SLC22A25: variants seen among roughly 807,000 people sequenced by gnomAD.
SLC22A25 encodes MGI:2442751, MGI:2385316, MGI:3042283, MGI:3645714, MGI:3605624, MGI:2442750.
SLC22A25 carries 44 observed loss-of-function variants against 45.9 expected under a neutral mutation model. The observed-to-expected ratio is 0.96, with a 90% confidence interval of 0.75 to 1.23. The LOEUF (loss-of-function observed/expected upper bound fraction) is 1.23, where lower values mean the gene tolerates loss of function less well. SLC22A25 is among the 50% of genes most tolerant of loss of function. The probability of loss-of-function intolerance (pLI) is 0.00; values close to 1 mark genes in which losing one functional copy is unlikely to be tolerated. For missense variants in SLC22A25, 800 were observed against 666.4 expected (o/e 1.20, Z -2.21); for synonymous variants, 283 against 238.6 (o/e 1.19, Z -1.72).
rs1263546317 is a variant in SLC22A25, at chr11:63,229,477, A to T, written c.176T>A (p.Ile59Asn). 3 of 1,614,142 alleles carry T rather than the reference A, an allele frequency of 1.9e-6. No homozygotes were observed. The highest frequency in any genetic ancestry group is 2.5e-6 in the Non-Finnish European group (3 of 1,179,996). ...GAGGGTCCCAGGGTCATTGTCAGGG[A>T]TAGTGTCATTGTCCAGTATATGAAC... ...CWVHILDNDT[I>N]PDNDPGTLSQ... The change falls in exon 4 of 12, where the codon ATC becomes AAC. Residue 59 changes from isoleucine to asparagine, a missense_variant. Ile to Asn is a moderately radical substitution (Grantham distance 149). Coordinates refer to ENST00000306494, the MANE Select transcript of SLC22A25 (RefSeq NM_199352.6).
In SLC22A25 at chr11:63,163,417, A is replaced by C. The variant is rs1040976738; in HGVS notation, c.*407T>G. ...TGGGAGGGGCTCTTATTTTCTATAC[A>C]GTCTCTCACAAATTCTTCAGTGTCC... On this transcript the variant is annotated 3_prime_UTR_variant, in exon 12 of 12. Coordinates refer to ENST00000306494, the MANE Select transcript of SLC22A25 (RefSeq NM_199352.6). 6.6e-6 allele frequency among the ~76,000 whole-genome samples: 1 copy of C among 152,180 alleles called. No individual in the cohort carries two copies. Among genetic ancestry groups the C allele is most frequent in the Non-Finnish European group, 1.5e-5 (1 of 68,034 alleles).
At chr11:63,220,848 G>C (rs2089837131) in intron 5 of SLC22A25, among the ~76,000 whole-genome samples, 1 of 151,982 alleles carries the variant, frequency 6.6e-6, no homozygotes, top group Admixed American at 6.6e-5. Context: ...TTAGTTTTTA[G>C]ATCTACAGAT....
At position 63,217,654 on chromosome 11, in the gene SLC22A25, G is replaced by A. The variant is rs2089750974; in HGVS notation, c.588C>T (p.Ile196=). 6.2e-7 allele frequency: 1 copy of A among 1,613,896 alleles called. No homozygotes were observed. Among genetic ancestry groups the A allele is most frequent in the African/African-American group, 1.3e-5 (1 of 74,936 alleles). Residue 196 remains isoleucine, a synonymous_variant, in exon 6 of 12, where the codon ATC becomes ATT. Transcript: ENST00000306494. ...VGTCAAFAPT[I]LVYCSLRFLA... ...AGAAGCGCAGGGAGCAGTATACGAG[G>A]ATGGTGGGAGCAAAGGCCGCACAGG...
chr11:63,177,339 A>G (rs1303674333), intron 9 of SLC22A25, among the ~76,000 whole-genome samples: 3 of 138,982 alleles, frequency 2.2e-5, no homozygotes, highest in African/African-American at 5.4e-5. Flanking sequence ...TATCTCACAC[A>G]TTCATCATTT....
intron 7 of SLC22A25, among the ~76,000 whole-genome samples, chr11:63,189,904 C>T (rs567539231): frequency 9.8e-5 from 15 of 152,292 alleles, no homozygotes; most frequent in South Asian, 6.2e-4. Context: ...GAGTTTCTGC[C>T]GACAGATCAG....
rs1029484411 is a variant in SLC22A25, at chr11:63,211,352, C to A, written c.830+5962G>T. ...AGGTGAATACAGGCCAGTGCAGGATCTCCAGGCGGTAAACAAGGCCACTGT... is the reference window on the plus strand; with the variant it reads ...AGGTGAATACAGGCCAGTGCAGGATATCCAGGCGGTAAACAAGGCCACTGT... On this transcript the variant is annotated intron_variant, in intron 7 of 11. Coordinates refer to ENST00000306494, the MANE Select transcript of SLC22A25 (RefSeq NM_199352.6). Among the ~76,000 whole-genome samples, 6 of 152,196 alleles carry A rather than the reference C, an allele frequency of 3.9e-5. 1 individual carries two copies. The highest frequency in any genetic ancestry group is 7.3e-5 in the Non-Finnish European group (5 of 68,040).
chr11:63,237,091 CAG>C (rs2090177517), intron 3 of SLC22A25, among the ~76,000 whole-genome samples: 1 of 152,102 alleles, frequency 6.6e-6, no homozygotes, highest in Non-Finnish European at 1.5e-5. Context: ...GGTGCAGGAA[CAG>C]AAAACCAAAT....
intron 7 of SLC22A25, among the ~76,000 whole-genome samples, chr11:63,195,284 A>G (rs1156601154): frequency 3.3e-5 from 5 of 152,138 alleles, no homozygotes; most frequent in Admixed American, 3.3e-4. Context: ...TCTCCACCCC[A>G]AATCAACAGA....
intron 7 of SLC22A25, among the ~76,000 whole-genome samples, chr11:63,203,084 A>G (rs552241724): frequency 6.6e-6 from 1 of 152,202 alleles, no homozygotes; most frequent in Non-Finnish European, 1.5e-5. Flanking sequence ...TTAGAAGTCA[A>G]ACTAACAAAC....
At chr11:63,203,523 A>G (rs1590858887) in intron 7 of SLC22A25, among the ~76,000 whole-genome samples, 2 of 151,932 alleles carry the variant, frequency 1.3e-5, no homozygotes, top group South Asian at 2.1e-4. Flanking sequence ...ACAAGTATCA[A>G]TAGCAAAATT....
chr11:63,243,506 C>G lies in SLC22A25; in HGVS notation c.-1068G>C, dbSNP rs961975012. 3.1e-5 allele frequency: 24 copies of G among 762,332 alleles called. No individual in the cohort carries two copies. The highest frequency in any genetic ancestry group is 4.9e-5 in the Non-Finnish European group (20 of 407,558). 47.2% of individuals were successfully genotyped at this position (762,332 alleles called of 1,614,324 possible). A position where few individuals can be genotyped will look rare whatever the true frequency, so the allele number is the denominator to read the frequency against. ...ACTCCTGGGTGCTGTCTGCATGTTCCTGGCCTCCAGGCTCAAAGAGTCCAG... is the reference window on the plus strand; with the variant it reads ...ACTCCTGGGTGCTGTCTGCATGTTCGTGGCCTCCAGGCTCAAAGAGTCCAG... On this transcript the variant is annotated 5_prime_UTR_variant, in exon 1 of 12. Transcript: ENST00000306494.
At chr11:63,183,637 T>C (rs929467250) in intron 8 of SLC22A25, 57 bp downstream of exon 8, 10 of 1,607,340 alleles carry the variant, frequency 6.2e-6, no homozygotes, top group Non-Finnish European at 8.5e-6. Flanking sequence ...CACCAACAAG[T>C]ATAGATGACA....
chr11:63,203,079 A>C (rs2089296556), intron 7 of SLC22A25, among the ~76,000 whole-genome samples: 1 of 152,210 alleles, frequency 6.6e-6, no homozygotes, highest in African/African-American at 2.4e-5. Flanking sequence ...GATTATTAGA[A>C]GTCAAACTAA....
chr11:63,188,446 A>G (rs1184827299), intron 7 of SLC22A25, among the ~76,000 whole-genome samples: 3 of 151,796 alleles, frequency 2.0e-5, no homozygotes, highest in East Asian at 1.9e-4. Flanking sequence ...TTTCTTCTTT[A>G]TTAGTCCTGC....
chr11:63,218,136 A>C (rs893422767), intron 5 of SLC22A25: 4 of 457,372 alleles, frequency 8.7e-6, no homozygotes, highest in African/African-American at 4.0e-5. Flanking sequence ...CTCAATGCCC[A>C]CCAATGGTAG....
chr11:63,238,224 G>C (rs1364104461), intron 2 of SLC22A25, among the ~76,000 whole-genome samples: 2 of 152,100 alleles, frequency 1.3e-5, no homozygotes, highest in Non-Finnish European at 2.9e-5. Flanking sequence ...TAAAACTGTA[G>C]GTTATATTAA....
chr11:63,168,023 C>T, intron 9 of SLC22A25: 1 of 348,166 alleles, frequency 2.9e-6, no homozygotes, highest in Non-Finnish European at 5.8e-6. Context: ...CCCAAGCAAA[C>T]AGGATCTGGA....
intron 9 of SLC22A25, among the ~76,000 whole-genome samples, chr11:63,178,906 A>T (rs2088215621): frequency 6.6e-6 from 1 of 151,062 alleles, no homozygotes; most frequent in Non-Finnish European, 1.5e-5. Context: ...GTCCTAAAGG[A>T]TTTCCTCAAT....
intron 9 of SLC22A25, 157 bp from the exon 10 acceptor site, chr11:63,166,415 A>G: frequency 6.9e-7 from 1 of 1,440,140 alleles, no homozygotes; most frequent in Non-Finnish European, 9.1e-7. Context: ...TTTTAAAGTT[A>G]TCATAAAATA....
Sources: gnomAD v4.1 joint callset for allele counts (sites outside exome capture counted in the v4.1 genomes callset) on GRCh38, gnomAD v4.1.1 for gene constraint, MANE v1.5 for transcripts, NCBI Gene and HGNC (gene_info 2026-07-23, HGNC 2026-07-21) for gene names.